SHANK2: variants seen among roughly 807,000 people sequenced by gnomAD.
The protein encoded by SHANK2 is SH3 and multiple ankyrin repeat domains 2, also known as SH3 and multiple ankyrin repeat domains protein 2.
A neutral mutation model predicts 133.7 loss-of-function variants in SHANK2; 43 were observed. That is an observed-to-expected ratio of 0.32 (90% confidence interval 0.25 to 0.41). The LOEUF (loss-of-function observed/expected upper bound fraction) is 0.41. Among genes scored for constraint, SHANK2 ranks in the 10% least tolerant of loss-of-function variants. The pLI is 1.00. For synonymous variants in SHANK2, 1,017 were observed against 952.8 expected, an observed-to-expected ratio of 1.07 and a Z score of -1.24; for missense variants, 1,994 against 2,235.8, an observed-to-expected ratio of 0.89 and a Z score of 2.18.
chr11:70,556,937 G>A (rs1212168430), intron 17 of SHANK2, among the ~76,000 whole-genome samples: 5 of 151,868 alleles, frequency 3.3e-5, no homozygotes, highest in Non-Finnish European at 7.4e-5. Flanking sequence ...TGCCCAGGCT[G>A]GTCTCCAATT....
In SHANK2 at chr11:70,569,367, G is replaced by A. The variant is rs2060014035; in HGVS notation, c.2062-66436C>T. Among the ~76,000 whole-genome samples the A allele has an allele frequency of 6.6e-6, 1 of 152,216 alleles. No individual in the cohort carries two copies. The highest frequency in any genetic ancestry group is 1.5e-5 in the Non-Finnish European group (1 of 68,038). On this transcript the variant is annotated intron_variant, in intron 17 of 25. Coordinates refer to ENST00000601538, the MANE Select transcript of SHANK2 (RefSeq NM_012309.5). The surrounding 1 kb of genome is among the most constrained non-coding windows in gnomAD (Gnocchi z 5.1). Reference sequence around the variant, plus strand: ...GGACGCATCTTGCCCCGGTTTCCAGGTGCGGTGGAGCGGGGAGCTCCGGGG... The same window carrying A: ...GGACGCATCTTGCCCCGGTTTCCAGATGCGGTGGAGCGGGGAGCTCCGGGG...
intron 11 of SHANK2, among the ~76,000 whole-genome samples, chr11:70,824,440 G>A (rs1029218585): frequency 3.3e-5 from 5 of 152,170 alleles, no homozygotes; most frequent in Non-Finnish European, 5.9e-5. Context: ...TCCTCAGCCA[G>A]CACTTTCATC....
At chr11:71,241,129 C>T (rs782624579) in intron 1 of SHANK2, among the ~76,000 whole-genome samples, 29 of 152,160 alleles carry the variant, frequency 1.9e-4, no homozygotes, top group Non-Finnish European at 3.7e-4. Flanking sequence ...GTGAAAGCCC[C>T]GGGCTAGGCA....
At chr11:70,772,042 A>G (rs1169084022) in intron 14 of SHANK2, among the ~76,000 whole-genome samples, 3 of 152,188 alleles carry the variant, frequency 2.0e-5, no homozygotes, top group African/African-American at 7.2e-5. Context: ...CCCGGGCAAA[A>G]TGACAAAGAG....
chr11:70,749,814 GA>G (rs1280621759), intron 14 of SHANK2, among the ~76,000 whole-genome samples: 2 of 149,770 alleles, frequency 1.3e-5, no homozygotes, highest in Admixed American at 1.3e-4. Context: ...GAAGAAGAAA[GA>G]AAAAAAGACT....
intron 9 of SHANK2, among the ~76,000 whole-genome samples, chr11:71,065,991 G>GGGTT (rs1951051687): frequency 7.3e-6 from 1 of 136,694 alleles, no homozygotes; most frequent in Non-Finnish European, 1.6e-5. Flanking sequence ...AGTTGGGAGG[G>GGGTT]GAGTACAGAA....
intron 2 of SHANK2, among the ~76,000 whole-genome samples, chr11:71,223,251 T>C (rs1954586830): frequency 1.3e-5 from 2 of 152,164 alleles, no homozygotes; most frequent in Non-Finnish European, 2.9e-5. Context: ...GACTCCGACA[T>C]TCTGCTCCTG....
intron 17 of SHANK2, among the ~76,000 whole-genome samples, chr11:70,555,606 G>C (rs1275166234): frequency 6.6e-6 from 1 of 152,176 alleles, no homozygotes; most frequent in Non-Finnish European, 1.5e-5. Context: ...TGTGCTTGTA[G>C]GTCGCAGCTA....
intron 1 of SHANK2, among the ~76,000 whole-genome samples, chr11:71,242,316 T>C (rs561921804): frequency 6.6e-6 from 1 of 152,328 alleles, no homozygotes; most frequent in South Asian, 2.1e-4. Flanking sequence ...TGACGATGGC[T>C]GCAGAGCACG....
At chr11:70,724,427 C>T (rs1033456475) in intron 14 of SHANK2, among the ~76,000 whole-genome samples, 2 of 152,108 alleles carry the variant, frequency 1.3e-5, no homozygotes, top group Non-Finnish European at 2.9e-5. Flanking sequence ...TATGCATGTG[C>T]CTGTGGCCAT....
intron 17 of SHANK2, among the ~76,000 whole-genome samples, chr11:70,589,876 G>A (rs529197713): frequency 3.8e-4 from 58 of 152,196 alleles, no homozygotes; most frequent in South Asian, 2.7e-3. Context: ...GGAGCTGGCC[G>A]GGCACGGTGG....
chr11:71,061,015 C>T (rs1004437270), intron 9 of SHANK2, among the ~76,000 whole-genome samples: 11 of 152,290 alleles, frequency 7.2e-5, no homozygotes, highest in East Asian at 1.9e-4. Context: ...GTTCAGCAAA[C>T]GAATCTTTCA....
At chr11:70,775,604 C>T (rs1388924094) in intron 14 of SHANK2, among the ~76,000 whole-genome samples, 6 of 152,240 alleles carry the variant, frequency 3.9e-5, no homozygotes, top group Non-Finnish European at 8.8e-5. Context: ...GCCATGTCCT[C>T]TTGGCTTCCT....
intron 14 of SHANK2, among the ~76,000 whole-genome samples, chr11:70,731,881 G>T (rs1946296156): frequency 1.3e-5 from 2 of 152,284 alleles, no homozygotes; most frequent in Admixed American, 1.3e-4. Context: ...TGACACAGCC[G>T]CCTCCTCCTC....
At chr11:70,553,723 T>A (rs1263606269) in intron 17 of SHANK2, among the ~76,000 whole-genome samples, 10 of 152,164 alleles carry the variant, frequency 6.6e-5, no homozygotes, top group Non-Finnish European at 4.4e-5. Flanking sequence ...AACAAGACAA[T>A]GTCAGAGGTT....
rs1279443804 is a variant in SHANK2 at position 70,804,310 on chromosome 11, C to T, written c.1663+2692G>A. ...CAGCAAGGATGTGCGGGCCACCCCACGATGGGGAGGAGGCACCGACAGCTC... is the reference window on the plus strand; with the variant it reads ...CAGCAAGGATGTGCGGGCCACCCCATGATGGGGAGGAGGCACCGACAGCTC... On this transcript the variant is annotated intron_variant, in intron 13 of 25. Coordinates refer to ENST00000601538, the MANE Select transcript of SHANK2 (RefSeq NM_012309.5). This position sits in a 1 kb window ranked among gnomAD's most constrained non-coding sequence, Gnocchi z 4.1. Among the ~76,000 whole-genome samples, 1 of 152,210 alleles carries T rather than the reference C, an allele frequency of 6.6e-6. No individual in the cohort carries two copies. Among genetic ancestry groups the T allele is most frequent in the Non-Finnish European group, 1.5e-5 (1 of 68,036 alleles).
At chr11:71,097,669 G>A (rs143364245) in intron 6 of SHANK2, among the ~76,000 whole-genome samples, 4 of 152,260 alleles carry the variant, frequency 2.6e-5, no homozygotes, top group East Asian at 3.9e-4. Flanking sequence ...GGTGAGAAGC[G>A]GGGGCTCCCG....
intron 17 of SHANK2, among the ~76,000 whole-genome samples, chr11:70,588,838 G>A (rs112963601): frequency 0.029 from 4,364 of 152,256 alleles, 96 homozygotes; most frequent in Middle Eastern, 0.099. Context: ...CTTTTTTTGA[G>A]ATGGAGTCGC....
intron 1 of SHANK2, among the ~76,000 whole-genome samples, chr11:71,225,237 C>A (rs782405962): frequency 1.4e-4 from 22 of 152,336 alleles, no homozygotes; most frequent in African/African-American, 2.6e-4. Flanking sequence ...CAGCCAGACA[C>A]TGCAGAAAAA....
Sources: allele counts gnomAD v4.1 joint callset (sites outside exome capture counted in the v4.1 genomes callset), GRCh38; gene constraint gnomAD v4.1.1; non-coding constraint Gnocchi (gnomAD v3.1); transcripts MANE v1.5; gene names NCBI Gene and HGNC (gene_info 2026-07-23, HGNC 2026-07-21).